ANKFY1: variants seen among roughly 807,000 people sequenced by gnomAD.
ANKFY1 encodes the protein ankyrin repeat and FYVE domain containing 1, also known as ankyrin repeat and FYVE domain-containing protein 1.
Under a neutral mutation model 128.3 loss-of-function variants are expected in ANKFY1, and 47 were observed. The ratio of observed to expected loss-of-function variants is 0.37; its 90% CI spans 0.29 to 0.47. The LOEUF (loss-of-function observed/expected upper bound fraction) is 0.47, where lower values mean the gene tolerates loss of function less well. Among genes scored for constraint, ANKFY1 ranks in the 20% least tolerant of loss-of-function variants. The pLI, the probability that ANKFY1 is intolerant of heterozygous loss-of-function variation, is 1.00. For synonymous variants in ANKFY1, 553 were observed against 601.6 expected (o/e 0.92, Z 1.18); for missense variants, 1,222 against 1,510.6 (o/e 0.81, Z 3.17).
intron 3 of ANKFY1, among the ~76,000 whole-genome samples, chr17:4,230,419 A>G (rs547205731): frequency 1.3e-5 from 2 of 152,316 alleles, no homozygotes; most frequent in African/African-American, 4.8e-5. Context: ...ATTCTAATCC[A>G]TTGGAACCTC....
chr17:4,226,177 G>A (rs2060421520), intron 3 of ANKFY1, among the ~76,000 whole-genome samples: 2 of 152,102 alleles, frequency 1.3e-5, no homozygotes, highest in African/African-American at 4.8e-5. Flanking sequence ...AAATTAAAAG[G>A]AGAACTAGAC....
At chr17:4,172,851 A>G (rs1233126217) in intron 21 of ANKFY1, among the ~76,000 whole-genome samples, 171 bp from the exon 22 acceptor site, 1 of 152,244 alleles carries the variant, frequency 6.6e-6, no homozygotes, top group Non-Finnish European at 1.5e-5. Context: ...AAGTGCATGC[A>G]TAACAAAAGT....
chr17:4,206,513 G>A (rs376503897), intron 6 of ANKFY1, 27 bp from the exon 7 acceptor site: 23 of 1,600,020 alleles, frequency 1.4e-5, no homozygotes, highest in East Asian at 4.5e-5. Context: ...GTAAATTAGC[G>A]CCCAGTGAGT....
rs747103792 is a variant in ANKFY1, at chr17:4,183,407, A to G, written c.1943T>C (p.Ile648Thr). 3.1e-6 allele frequency: 5 copies of G among 1,613,658 alleles called. No individual in the cohort carries two copies. The highest frequency in any genetic ancestry group is 3.4e-6 in the Non-Finnish European group (4 of 1,179,928). The change falls in exon 14 of 25, where the codon ATA (isoleucine) becomes ACA (threonine). Residue 648 changes from isoleucine to threonine, a missense_variant. By Grantham distance (89) the Ile-to-Thr change is moderately conservative. Transcript: ENST00000341657. ...ALFLLEHQAD[I>T]NVRTQDGETA... ...AGCGGCTTCCTCCTACCTGACATTT[A>G]TATCTGCCTGGTGCTCCAGCAGGAA...
At position 4,195,057 on chromosome 17, in the gene ANKFY1, C is replaced by T. The variant is rs1457222534; in HGVS notation, c.1293G>A (p.Gly431=). 6 of 1,614,084 alleles carry T rather than the reference C, an allele frequency of 3.7e-6. No individual in the cohort carries two copies. The highest frequency in any genetic ancestry group is 3.3e-5 in the Admixed American group (2 of 59,992). ...CAAAGCTGTTCTCATCAAATGAAGT[C>T]CCATTTACCACGGGGACATCTTCGA... The part of the protein sequence containing the change: ...NPFEDVPVVN[G]TSFDENSFAA... Residue 431 remains glycine, a synonymous_variant, in exon 10 of 25, where the codon GGG becomes GGA. Coordinates refer to ENST00000341657, the MANE Select transcript of ANKFY1 (RefSeq NM_001330063.2).
intron 7 of ANKFY1, among the ~76,000 whole-genome samples, chr17:4,198,900 G>A (rs186147614): frequency 3.3e-5 from 5 of 152,206 alleles, no homozygotes; most frequent in Non-Finnish European, 7.4e-5. Flanking sequence ...ATCAAATTAA[G>A]ACTGAATAAC....
intron 3 of ANKFY1, among the ~76,000 whole-genome samples, chr17:4,231,483 T>C (rs1329917862): frequency 6.6e-6 from 1 of 151,948 alleles, no homozygotes; most frequent in Non-Finnish European, 1.5e-5. Flanking sequence ...AGTGAGACCC[T>C]ATCTCAAAAA....
At chr17:4,261,263 C>T (rs569213642) in intron 1 of ANKFY1, among the ~76,000 whole-genome samples, 4 of 152,180 alleles carry the variant, frequency 2.6e-5, no homozygotes, top group Non-Finnish European at 5.9e-5. Flanking sequence ...CCGAGGCCGG[C>T]AGATCAGCTG....
In ANKFY1 at chr17:4,241,590, A is replaced by G. The variant is rs113884777; in HGVS notation, c.203+666T>C. On this transcript the variant is annotated intron_variant, in intron 2 of 24. Coordinates refer to ENST00000341657, the MANE Select transcript of ANKFY1 (RefSeq NM_001330063.2). Reference sequence around the variant, plus strand: ...TGCCCAGCCCTGAGCTTCTAACAGAAGCTGTATGACTCCAGAGTTCAACCT... The same window carrying G: ...TGCCCAGCCCTGAGCTTCTAACAGAGGCTGTATGACTCCAGAGTTCAACCT... Among the ~76,000 whole-genome samples, 290 of 151,960 alleles carry G rather than the reference A, an allele frequency of 1.9e-3. 1 individual carries two copies. The highest frequency in any genetic ancestry group is 6.7e-3 in the African/African-American group (276 of 41,446).
intron 3 of ANKFY1, among the ~76,000 whole-genome samples, chr17:4,225,234 G>A (rs1428247773): frequency 1.3e-5 from 2 of 152,072 alleles, no homozygotes; most frequent in African/African-American, 4.8e-5. Flanking sequence ...GTGCATGCCT[G>A]TAATCCCAGC....
At chr17:4,262,451 G>T (rs990262993) in intron 1 of ANKFY1, among the ~76,000 whole-genome samples, 2 of 152,116 alleles carry the variant, frequency 1.3e-5, no homozygotes, top group Non-Finnish European at 2.9e-5. Context: ...TTGTAGATAC[G>T]AGGTTTCGCC....
chr17:4,212,161 T>C (rs1004842263), intron 4 of ANKFY1, among the ~76,000 whole-genome samples: 9 of 152,140 alleles, frequency 5.9e-5, no homozygotes, highest in Non-Finnish European at 1.0e-4. Context: ...CCAAATCAGG[T>C]TCACCTCCAA....
At chr17:4,230,555 T>C (rs955591588) in intron 3 of ANKFY1, among the ~76,000 whole-genome samples, 3 of 152,224 alleles carry the variant, frequency 2.0e-5, no homozygotes, top group Non-Finnish European at 2.9e-5. Flanking sequence ...CTCAGATTTG[T>C]TATGCTTTGC....
At chr17:4,259,917 T>C (rs1299452348) in intron 1 of ANKFY1, among the ~76,000 whole-genome samples, 10 of 152,088 alleles carry the variant, frequency 6.6e-5, no homozygotes, top group Admixed American at 6.6e-4. Flanking sequence ...GTGAATAAAG[T>C]GGGTCAGTTG....
At chr17:4,219,380 T>A (rs949431429) in intron 3 of ANKFY1, among the ~76,000 whole-genome samples, 4 of 152,318 alleles carry the variant, frequency 2.6e-5, no homozygotes, top group South Asian at 4.1e-4. Flanking sequence ...GGAAATCTGA[T>A]TCTCTGTCCT....
chr17:4,229,691 T>C (rs1009300240), intron 3 of ANKFY1, among the ~76,000 whole-genome samples: 2 of 152,154 alleles, frequency 1.3e-5, no homozygotes, highest in African/African-American at 2.4e-5. Context: ...ATAAAATAGA[T>C]TATTTTGAGC....
chr17:4,215,419 C>T (rs942943043), intron 4 of ANKFY1, among the ~76,000 whole-genome samples: 2 of 152,042 alleles, frequency 1.3e-5, no homozygotes, highest in African/African-American at 2.4e-5. Flanking sequence ...ATTCCAAAAC[C>T]GGCGAGATCC....
At chr17:4,253,515 C>T (rs1210584205) in intron 1 of ANKFY1, among the ~76,000 whole-genome samples, 1 of 152,188 alleles carries the variant, frequency 6.6e-6, no homozygotes, top group Non-Finnish European at 1.5e-5. Context: ...CCTTGCTGAT[C>T]ACACCAACAT....
chr17:4,206,686 G>C (rs1055828840), intron 6 of ANKFY1, among the ~76,000 whole-genome samples, 200 bp from the exon 7 acceptor site: 20 of 152,184 alleles, frequency 1.3e-4, no homozygotes, highest in Admixed American at 1.3e-3. Context: ...AGGGAGTACA[G>C]AATTAATGGG....
Sources: allele counts gnomAD v4.1 joint callset (sites outside exome capture counted in the v4.1 genomes callset), GRCh38; gene constraint gnomAD v4.1.1; transcripts MANE v1.5; gene names NCBI Gene and HGNC (gene_info 2026-07-23, HGNC 2026-07-21).